Variants in RBFOX1 observed in about 807,000 individuals in gnomAD.
RBFOX1 encodes the protein RNA binding fox-1 homolog 1.
Under a neutral mutation model 57.7 loss-of-function variants are expected in RBFOX1, and 8 were observed. That is an observed-to-expected ratio of 0.14 (90% CI 0.08 to 0.25). RBFOX1 has a LOEUF of 0.25. Among genes scored for constraint, RBFOX1 ranks in the 10% least tolerant of loss-of-function variants. RBFOX1 has a pLI of 1.00. For synonymous variants in RBFOX1, 326 were observed against 222.4 expected, an observed-to-expected ratio of 1.47 and a Z score of -4.15; for missense variants, 611 against 548.5, an observed-to-expected ratio of 1.11 and a Z score of -1.14.
Position 7,596,050 on chromosome 16 carries a change from A to G in RBFOX1, c.561+409A>G, listed in dbSNP as rs17144264. ...GAAGAGGGATCCACAGTGGTTGGCA[A>G]ATTAAACCAAATTGGGAAAGCAAAA... On this transcript the variant is annotated intron_variant, in intron 8 of 15. Transcript: ENST00000550418. Among the ~76,000 whole-genome samples the G allele has an allele frequency of 8.4e-3, 1,273 of 151,148 alleles. 16 individuals are homozygous for G. The highest frequency in any genetic ancestry group is 0.03 in the African/African-American group (1,219 of 41,264).
At position 5,793,884 on chromosome 16, in the gene RBFOX1, C is replaced by T. The variant is rs115760867; in HGVS notation, c.319-73419C>T. Among the ~76,000 whole-genome samples the T allele has an allele frequency of 8.0e-3, 1,226 of 152,332 alleles. 15 individuals carry two copies. The highest frequency in any genetic ancestry group is 0.027 in the African/African-American group (1,135 of 41,568). On this transcript the variant is annotated intron_variant, in intron 3 of 19. Coordinates refer to the RBFOX1 transcript ENST00000641259. ...GAGACTGGAATCCAGCACGTTCTCC[C>T]TGATCCTCACATTATAAACCTGTGT...
At chr16:7,332,928 T>C in intron 4 of RBFOX1, 4 of 1,603,752 alleles carry the variant, frequency 2.5e-6, no homozygotes, top group Non-Finnish European at 3.4e-6. Context: ...CGGAAGAAGT[T>C]GGGTCTATAG....
chr16:7,188,358 C>G (rs189823522), intron 4 of RBFOX1, among the ~76,000 whole-genome samples: 28 of 152,266 alleles, frequency 1.8e-4, no homozygotes, highest in African/African-American at 6.7e-4. Context: ...TTAGAATGTT[C>G]TGATATTTTC....
intron 1 of RBFOX1, among the ~76,000 whole-genome samples, chr16:5,286,025 C>A (rs1391543701): frequency 6.6e-6 from 1 of 152,154 alleles, no homozygotes; most frequent in African/African-American, 2.4e-5. Flanking sequence ...CCACATCGGC[C>A]TCCCAAAGTG....
At chr16:7,190,069 T>C (rs2084991773) in intron 4 of RBFOX1, among the ~76,000 whole-genome samples, 1 of 152,114 alleles carries the variant, frequency 6.6e-6, no homozygotes, top group African/African-American at 2.4e-5. Flanking sequence ...AAATTTAAAA[T>C]AAAAATCTTG....
At chr16:6,791,447 G>C (rs61456909) in intron 3 of RBFOX1, among the ~76,000 whole-genome samples, 7,036 of 152,138 alleles carry the variant, frequency 0.046, 516 homozygotes, top group African/African-American at 0.15. Flanking sequence ...AAATTGTAAA[G>C]AACTTCAAGA....
intron 4 of RBFOX1, among the ~76,000 whole-genome samples, chr16:7,309,934 A>G (rs1303681576): frequency 1.3e-5 from 2 of 152,208 alleles, no homozygotes; most frequent in Admixed American, 6.5e-5. Flanking sequence ...TGTTTAATTC[A>G]GTTAAGAAAA....
intron 3 of RBFOX1, among the ~76,000 whole-genome samples, chr16:6,904,812 G>C (rs752826456): frequency 1.3e-5 from 2 of 152,038 alleles, no homozygotes; most frequent in Non-Finnish European, 2.9e-5. Flanking sequence ...GGAGAATGAA[G>C]TCAAAGTGGC....
rs922896213 is a variant in RBFOX1, at chr16:7,436,643, G to A, written c.28-81504G>A. On this transcript the variant is annotated intron_variant, in intron 4 of 15. Transcript: ENST00000550418. ...TCTTTCTTTGCTATCAGGCATTTGC[G>A]GAGGATCACTCAGGAACCTTTGAGG... is the stretch of plus-strand genomic sequence containing the variant. Among the ~76,000 whole-genome samples the A allele has an allele frequency of 3.9e-5, 6 of 152,218 alleles. No homozygotes were observed. The South Asian group carries it at 1.0e-3, about 26-fold the overall frequency.
chr16:6,790,309 C>T (rs943051981), intron 3 of RBFOX1, among the ~76,000 whole-genome samples: 25 of 151,782 alleles, frequency 1.6e-4, no homozygotes, highest in African/African-American at 4.8e-4. Context: ...CTCAGCTTAC[C>T]GAGTAGCTGG....
At chr16:5,848,092 AT>A in intron 3 of RBFOX1, among the ~76,000 whole-genome samples, 1 of 152,208 alleles carries the variant, frequency 6.6e-6, no homozygotes, top group East Asian at 1.9e-4. Flanking sequence ...CAACCCAGAG[AT>A]TTGTTCCTTG....
At chr16:6,732,160 A>T (rs1258493554) in intron 3 of RBFOX1, among the ~76,000 whole-genome samples, 1 of 151,998 alleles carries the variant, frequency 6.6e-6, no homozygotes, top group South Asian at 2.1e-4. Context: ...TATACATCTG[A>T]TCCCTCCATC....
intron 14 of RBFOX1, chr16:7,693,212 C>A (rs560310956): frequency 2.2e-6 from 2 of 902,896 alleles, no homozygotes; most frequent in South Asian, 2.9e-5. Context: ...TCCATTCACA[C>A]GCAGCACCCT....
intron 1 of RBFOX1, among the ~76,000 whole-genome samples, chr16:6,134,918 AT>A (rs1458831119): frequency 6.6e-6 from 1 of 152,026 alleles, no homozygotes; most frequent in Non-Finnish European, 1.5e-5. Flanking sequence ...ATATGTATGC[AT>A]GTGCCATGTT....
intron 4 of RBFOX1, among the ~76,000 whole-genome samples, chr16:7,401,991 T>C (rs911643874): frequency 1.3e-5 from 2 of 152,230 alleles, no homozygotes; most frequent in African/African-American, 2.4e-5. Flanking sequence ...AGGTAGATGT[T>C]CTTTTCCTTC....
In RBFOX1 at chr16:6,066,293, C is replaced by CAAAAAAAAAAAAAAAAA. The variant is rs372412356; in HGVS notation, c.-127+46312_-127+46328dup. 2.6e-4 allele frequency among the ~76,000 whole-genome samples: 13 copies of CAAAAAAAAAAAAAAAAA among 50,384 alleles called. 2 individuals carry two copies. Among genetic ancestry groups the CAAAAAAAAAAAAAAAAA allele is most frequent in the African/African-American group, 1.3e-3 (9 of 6,996 alleles). The allele number at this position is 50,384 out of a possible 152,430, so 33.1% of individuals were successfully genotyped here. A position where few individuals can be genotyped will look rare whatever the true frequency, so the allele number is the denominator to read the frequency against. ...CTGACTACAGAGCAAGACTCTGTCT[C>CAAAAAAAAAAAAAAAAA]AAAAAAAAAAAAAAAAAAAAAAAAA... is the stretch of plus-strand genomic sequence containing the variant. On this transcript the variant is annotated intron_variant, in intron 1 of 15. Transcript: ENST00000550418.
chr16:6,126,116 C>T (rs927882058), intron 1 of RBFOX1, among the ~76,000 whole-genome samples: 1 of 152,160 alleles, frequency 6.6e-6, no homozygotes, highest in African/African-American at 2.4e-5. Flanking sequence ...CTTGCATTTT[C>T]GTTTCCACTT....
intron 3 of RBFOX1, among the ~76,000 whole-genome samples, chr16:5,710,477 A>C (rs921569370): frequency 6.6e-6 from 1 of 152,164 alleles, no homozygotes; most frequent in African/African-American, 2.4e-5. Flanking sequence ...TGCTATGCTA[A>C]CACAAGTCAC....
intron 3 of RBFOX1, among the ~76,000 whole-genome samples, chr16:5,673,840 T>C (rs1279195121): frequency 1.3e-5 from 2 of 152,246 alleles, no homozygotes; most frequent in Admixed American, 6.5e-5. Context: ...CTAAGACTCA[T>C]TAGCATTTCC....
Sources: allele counts gnomAD v4.1 joint callset (sites outside exome capture counted in the v4.1 genomes callset), GRCh38; gene constraint gnomAD v4.1.1; transcripts MANE v1.5; gene names NCBI Gene and HGNC (gene_info 2026-07-23, HGNC 2026-07-21).